DCLRE1C: variants seen among roughly 807,000 people sequenced by gnomAD.
DCLRE1C encodes protein artemis.
DCLRE1C carries 47 observed loss-of-function variants against 61.4 expected under a neutral mutation model. The observed-to-expected ratio is 0.77, with a 90% CI of 0.61 to 0.98. DCLRE1C has a LOEUF of 0.98. Among genes scored for constraint, DCLRE1C ranks in the 50% least tolerant of loss-of-function variants. The probability of loss-of-function intolerance (pLI) is 0.00; values close to 1 mark genes in which losing one functional copy is unlikely to be tolerated. For missense variants in DCLRE1C, 858 were observed against 816.0 expected, an observed-to-expected ratio of 1.05 and a Z score of -0.63; for synonymous variants, 337 against 287.6, an observed-to-expected ratio of 1.17 and a Z score of -1.74.
chr10:14,950,939 T>C (rs1842371707), intron 1 of DCLRE1C, among the ~76,000 whole-genome samples: 1 of 152,168 alleles, frequency 6.6e-6, no homozygotes, highest in Non-Finnish European at 1.5e-5. Context: ...GGCCACTATC[T>C]CAGGTCTCAG....
intron 1 of DCLRE1C, among the ~76,000 whole-genome samples, 153 bp downstream of exon 1, chr10:14,953,749 A>C (rs1589191442): frequency 6.6e-6 from 1 of 152,182 alleles, no homozygotes. Context: ...AGCCTTTGAG[A>C]GGCTGAAGAG....
At chr10:14,930,734 G>C (rs944200100) in intron 9 of DCLRE1C, among the ~76,000 whole-genome samples, 1 of 151,922 alleles carries the variant, frequency 6.6e-6, no homozygotes, top group African/African-American at 2.4e-5. Context: ...CACCCGGCCG[G>C]TTTACGTTTT....
intron 9 of DCLRE1C, among the ~76,000 whole-genome samples, chr10:14,929,319 G>A (rs1238689685): frequency 2.0e-5 from 3 of 151,946 alleles, no homozygotes; most frequent in Non-Finnish European, 2.9e-5. Flanking sequence ...CGGGAGAATC[G>A]CTTGAACCCA....
At position 14,908,322 on chromosome 10, in the gene DCLRE1C, G is replaced by A; in HGVS notation, c.*86C>T. 1 of 1,107,610 alleles carries A rather than the reference G, an allele frequency of 9.0e-7. No homozygotes were observed. The highest frequency in any genetic ancestry group is 1.4e-6 in the Non-Finnish European group (1 of 735,942). The allele number at this position is 1,107,610 out of a possible 1,614,324, so 68.6% of individuals were successfully genotyped here. On this transcript the variant is annotated 3_prime_UTR_variant, in exon 14 of 14. Coordinates refer to ENST00000378278, the MANE Select transcript of DCLRE1C (RefSeq NM_001033855.3). ...AACCAGGTTATTTGAACATTTTTAA[G>A]TACTGTATTTTCTCTATTGTAATAT...
chr10:14,934,612 A>G (rs1237602310), intron 7 of DCLRE1C, 91 bp downstream of exon 7: 9 of 1,612,974 alleles, frequency 5.6e-6, no homozygotes, highest in Non-Finnish European at 7.6e-6. Flanking sequence ...ACCTACGGGG[A>G]CAGTTAGGAT....
chr10:14,922,470 A>C (rs574057585), intron 12 of DCLRE1C, among the ~76,000 whole-genome samples: 1 of 152,066 alleles, frequency 6.6e-6, no homozygotes, highest in African/African-American at 2.4e-5. Context: ...TCATGAATGC[A>C]TAAATGAAAC....
chr10:14,901,367 T>A, downstream of DCLRE1C: 1 of 1,462,686 alleles, frequency 6.8e-7, no homozygotes, highest in Non-Finnish European at 9.3e-7. Context: ...ATACTAAAGA[T>A]GAAAAGTTGA....
chr10:14,933,775 T>C (rs41297944), intron 8 of DCLRE1C, among the ~76,000 whole-genome samples: 3,746 of 152,364 alleles, frequency 0.025, 122 homozygotes, highest in African/African-American at 0.083. Flanking sequence ...ACTAAATTTA[T>C]TTCATGACCC....
chr10:14,934,252 C>T lies in DCLRE1C; in HGVS notation c.678+128G>A, dbSNP rs548684173. The T allele has an allele frequency of 1.7e-4, 223 of 1,349,524 alleles. 1 individual carries two copies. The Middle Eastern group carries it at 1.8e-3, about 11-fold the overall frequency. 83.6% of individuals were successfully genotyped at this position (1,349,524 alleles called of 1,614,324 possible). A position where few individuals can be genotyped will look rare whatever the true frequency, so the allele number is the denominator to read the frequency against. On this transcript the variant is annotated intron_variant, in intron 8 of 13. Coordinates refer to ENST00000378278, the MANE Select transcript of DCLRE1C (RefSeq NM_001033855.3). ...CTGAGCCAGGAGAATTGCTTGAACC[C>T]GGGAGGTGGAGGCTGCAGTGAGCCG...
intron 8 of DCLRE1C, 144 bp downstream of exon 8, chr10:14,934,236 G>T: frequency 8.3e-7 from 1 of 1,208,494 alleles, no homozygotes; most frequent in Non-Finnish European, 1.1e-6. Flanking sequence ...GCTGAGCCAG[G>T]AGAATTGCTT....
intron 8 of DCLRE1C, 92 bp downstream of exon 8, chr10:14,934,288 A>C: frequency 6.4e-7 from 1 of 1,569,108 alleles, no homozygotes; most frequent in Admixed American, 1.8e-5. Flanking sequence ...AGGTCGCGTC[A>C]CTACACTCCA....
intron 11 of DCLRE1C, among the ~76,000 whole-genome samples, chr10:14,925,604 G>C (rs1157623089): frequency 1.3e-5 from 2 of 152,060 alleles, no homozygotes; most frequent in Non-Finnish European, 2.9e-5. Context: ...TTATTTAATA[G>C]ACACTTTGAT....
chr10:14,953,776 C>T lies in DCLRE1C; in HGVS notation c.109+126G>A. ...GCTGAAGAGCCCGACTGGGACAAGGCGTGTGCTGGCCGCCCCCTCGCTGGC... is the reference window on the plus strand; with the variant it reads ...GCTGAAGAGCCCGACTGGGACAAGGTGTGTGCTGGCCGCCCCCTCGCTGGC... On this transcript the variant is annotated intron_variant, in intron 1 of 13. Coordinates refer to ENST00000378278, the MANE Select transcript of DCLRE1C (RefSeq NM_001033855.3). The T allele has an allele frequency of 8.1e-6, 11 of 1,357,572 alleles. No individual in the cohort carries two copies. In the Admixed American group the frequency reaches 2.0e-4, roughly 24 times the overall value. The allele number at this position is 1,357,572 out of a possible 1,614,324, so 84.1% of individuals were successfully genotyped here.
At chr10:14,936,288 GA>G (rs1045766032) in intron 5 of DCLRE1C, among the ~76,000 whole-genome samples, 2 of 146,446 alleles carry the variant, frequency 1.4e-5, no homozygotes, top group Non-Finnish European at 3.0e-5. Context: ...TAAATGACTA[GA>G]AAAAAAATCA....
In DCLRE1C at chr10:14,918,716, G is replaced by A. The variant is rs1475889964; in HGVS notation, c.1156+1022C>T. ...AATAGAGTTAACATCTGAAATTAATGGAACTGTTTTTCTAAAACCTTTTAA... is the reference window on the plus strand; with the variant it reads ...AATAGAGTTAACATCTGAAATTAATAGAACTGTTTTTCTAAAACCTTTTAA... On this transcript the variant is annotated intron_variant, in intron 13 of 13. Transcript: ENST00000378278. Among the ~76,000 whole-genome samples, 8 of 151,766 alleles carry A rather than the reference G, an allele frequency of 5.3e-5. No homozygotes were observed. The East Asian group carries it at 1.5e-3, about 29-fold the overall frequency.
At chr10:14,951,509 C>T (rs1842462772) in intron 1 of DCLRE1C, among the ~76,000 whole-genome samples, 1 of 150,358 alleles carries the variant, frequency 6.7e-6, no homozygotes, top group African/African-American at 2.4e-5. Context: ...CACAAGATAC[C>T]ATAGATACCA....
chr10:14,934,507 C>A lies in DCLRE1C; in HGVS notation c.551G>T (p.Ser184Ile). Residue 184 changes from serine to isoleucine, a missense_variant, in exon 8 of 14, where the codon AGT (serine) becomes ATT (isoleucine). Ser to Ile is a moderately radical substitution (Grantham distance 142, BLOSUM62 -2). Around this residue, in one of 2 missense-constraint regions of DCLRE1C, gnomAD observed 843 missense variants for 783.5 expected, o/e 1.08. Transcript: ENST00000378278. ...GCTTCGGACCAGCTCTAAGACTCCA[C>A]TTAAACACTCCTCCTAGACAGGATT... Reference protein sequence around the residue: ...YQIPSREECLSGVLELVRSWI... With the variant: ...YQIPSREECLIGVLELVRSWI... The A allele has an allele frequency of 6.2e-7, 1 of 1,614,138 alleles. No homozygotes were observed. Among genetic ancestry groups the A allele is most frequent in the Non-Finnish European group, 8.5e-7 (1 of 1,180,026 alleles).
At chr10:14,912,131 T>G (rs1392577607) in intron 13 of DCLRE1C, among the ~76,000 whole-genome samples, 2 of 152,216 alleles carry the variant, frequency 1.3e-5, no homozygotes, top group Non-Finnish European at 2.9e-5. Context: ...GATGGACCTC[T>G]AGGGAAATAA....
At chr10:14,934,335 A>G (rs555451000) in intron 8 of DCLRE1C, 45 bp downstream of exon 8, 5 of 1,596,900 alleles carry the variant, frequency 3.1e-6, no homozygotes, top group East Asian at 2.2e-5. Context: ...CTCAAAAAAA[A>G]AAAAAAAAGA....
Sources: gnomAD v4.1 joint callset for allele counts (sites outside exome capture counted in the v4.1 genomes callset) on GRCh38, gnomAD v4.1.1 for gene constraint, gnomAD v4.1.1 regional missense constraint, MANE v1.5 for transcripts, NCBI Gene and HGNC (gene_info 2026-07-23, HGNC 2026-07-21) for gene names.